The following CEP128 variants were observed in gnomAD, a reference collection of about 807,000 sequenced individuals.
CEP128 encodes centrosomal protein 128kDa.
In CEP128, 132 loss-of-function variants were observed where a neutral mutation model predicts 156.7. That is an observed-to-expected ratio of 0.84 (90% CI 0.73 to 0.97). The LOEUF (loss-of-function observed/expected upper bound fraction) is 0.97, where lower values mean the gene tolerates loss of function less well. Among genes scored for constraint, CEP128 ranks in the 50% least tolerant of loss-of-function variants. The pLI is 0.00. For synonymous variants in CEP128, 469 were observed against 448.9 expected (o/e 1.04, Z -0.57); for missense variants, 1,252 against 1,281.9 (o/e 0.98, Z 0.36).
chr14:80,573,220 C>A (rs958841250), intron 20 of CEP128, among the ~76,000 whole-genome samples: 1 of 152,094 alleles, frequency 6.6e-6, no homozygotes, highest in African/African-American at 2.4e-5. Context: ...CCACCTCGCC[C>A]AGCCTTTTTT....
intron 16 of CEP128, among the ~76,000 whole-genome samples, chr14:80,768,749 A>T (rs1900366758): frequency 6.6e-6 from 1 of 152,218 alleles, no homozygotes; most frequent in African/African-American, 2.4e-5. Context: ...TGTTTCCATA[A>T]ACCAGAATCA....
intron 8 of CEP128, among the ~76,000 whole-genome samples, chr14:80,867,435 G>A (rs1887820506): frequency 1.3e-5 from 2 of 152,212 alleles, no homozygotes; most frequent in African/African-American, 4.8e-5. Context: ...TGAAACCATA[G>A]AGAGCAAAAC....
intron 2 of CEP128, among the ~76,000 whole-genome samples, chr14:80,949,253 A>C (rs542777619): frequency 2.0e-5 from 3 of 152,324 alleles, no homozygotes; most frequent in Non-Finnish European, 4.4e-5. Context: ...GTCATGGTGC[A>C]AGGAGAGCGA....
intron 9 of CEP128, among the ~76,000 whole-genome samples, chr14:80,841,520 CAAT>C (rs1279443580): frequency 6.6e-6 from 1 of 151,952 alleles, no homozygotes; most frequent in Non-Finnish European, 1.5e-5. Flanking sequence ...TTGAGAATAA[CAAT>C]ATTATCATGC....
intron 2 of CEP128, among the ~76,000 whole-genome samples, chr14:80,957,627 AC>A (rs1886770931): frequency 6.6e-6 from 1 of 152,226 alleles, no homozygotes; most frequent in Admixed American, 6.5e-5. Flanking sequence ...TGTGGCTCTG[AC>A]AGTGAAAAGG....
At chr14:80,517,075 G>A (rs1209081760) in intron 23 of CEP128, among the ~76,000 whole-genome samples, 2 of 151,964 alleles carry the variant, frequency 1.3e-5, no homozygotes, top group African/African-American at 2.4e-5. Context: ...ATATCATTAG[G>A]AGCTGTAGTA....
At position 80,745,946 on chromosome 14, in the gene CEP128, T is replaced by C. The variant is rs1899079428; in HGVS notation, c.2614-2679A>G. 4.6e-5 allele frequency among the ~76,000 whole-genome samples: 7 copies of C among 152,036 alleles called. No homozygotes were observed. The South Asian group carries it at 1.4e-3, about 31-fold the overall frequency. On this transcript the variant is annotated intron_variant, in intron 18 of 24. Transcript: ENST00000555265. ...AATACAAAAATTAATTATATTTCTA[T>C]ATATTAATATTTGCAATGAGCAATC...
chr14:80,864,703 C>T (rs1887683244), intron 8 of CEP128, among the ~76,000 whole-genome samples: 1 of 151,920 alleles, frequency 6.6e-6, no homozygotes, highest in African/African-American at 2.4e-5. Flanking sequence ...ATTACAGGCA[C>T]CTGCCACCAC....
intron 19 of CEP128, among the ~76,000 whole-genome samples, chr14:80,687,813 C>T (rs933169979): frequency 9.9e-5 from 15 of 152,034 alleles, no homozygotes; most frequent in African/African-American, 3.6e-4. Context: ...CACTCATGCA[C>T]GAAAATAAAC....
At chr14:80,530,693 T>A (rs192199704) in intron 22 of CEP128, 116 bp downstream of exon 22, 1 of 580,286 alleles carries the variant, frequency 1.7e-6, no homozygotes, top group East Asian at 3.1e-5. Context: ...ATGTTAAAAG[T>A]TCCCAATGTT....
intron 20 of CEP128, among the ~76,000 whole-genome samples, chr14:80,566,668 T>C (rs1413321575): frequency 6.6e-6 from 1 of 152,262 alleles, no homozygotes; most frequent in African/African-American, 2.4e-5. Flanking sequence ...AGTTTGTCTA[T>C]ACATCAAATA....
At chr14:80,561,287 G>A (rs1890661635) in intron 20 of CEP128, among the ~76,000 whole-genome samples, 1 of 152,152 alleles carries the variant, frequency 6.6e-6, no homozygotes, top group Admixed American at 6.5e-5. Flanking sequence ...AGTTAAGAGG[G>A]CCTCACCCTT....
chr14:80,652,860 A>C lies in CEP128; in HGVS notation c.2807-72437T>G, dbSNP rs1451384688. Among the ~76,000 whole-genome samples the C allele has an allele frequency of 5.9e-5, 9 of 152,340 alleles. No individual in the cohort carries two copies. In the East Asian group the frequency reaches 1.7e-3, roughly 29 times the overall value. Reference sequence around the variant, plus strand: ...CTGGGTATAAACCCAAAGGATTATAAATCATTCTACTATAAAGACACACGC... The same window carrying C: ...CTGGGTATAAACCCAAAGGATTATACATCATTCTACTATAAAGACACACGC... On this transcript the variant is annotated intron_variant, in intron 19 of 24. Coordinates refer to ENST00000555265, the MANE Select transcript of CEP128 (RefSeq NM_152446.5).
Position 80,895,763 on chromosome 14 carries a change from C to G in CEP128, c.600G>C (p.Leu200Phe). 6.4e-7 allele frequency: 1 copy of G among 1,556,570 alleles called. No individual in the cohort carries two copies. The highest frequency in any genetic ancestry group is 1.2e-5 in the South Asian group (1 of 82,760). ...SRSDAETKRA[L>F]EELTEKLNEA... ...CATTAAGTTTTTCAGTCAATTCTTC[C>G]AAAGCCCTTTTTGTTTCGGCATCTG... The change falls in exon 8 of 25, where the codon TTG becomes TTC. Residue 200 changes from leucine (L) to phenylalanine (F), a missense_variant. Physicochemically the swap from Leu to Phe is conservative, Grantham distance 22. Coordinates refer to ENST00000555265, the MANE Select transcript of CEP128 (RefSeq NM_152446.5).
At position 80,733,489 on chromosome 14, in the gene CEP128, T is replaced by C. The variant is rs773324316; in HGVS notation, c.2806+9586A>G. 3.3e-5 allele frequency among the ~76,000 whole-genome samples: 5 copies of C among 152,096 alleles called. No individual in the cohort carries two copies. In the South Asian group the frequency reaches 8.3e-4, roughly 25 times the overall value. The stretch of plus-strand genomic sequence containing the variant: ...AAACAGAAAGAGAGGAATGAATATA[T>C]GACAAACAGCTAAGAAAAACTTTGT... On this transcript the variant is annotated intron_variant, in intron 19 of 24. Transcript: ENST00000555265.
At position 80,736,322 on chromosome 14, in the gene CEP128, G is replaced by A. The variant is rs992905802; in HGVS notation, c.2806+6753C>T. 6.0e-5 allele frequency among the ~76,000 whole-genome samples: 9 copies of A among 151,090 alleles called. No homozygotes were observed. In the South Asian group the frequency reaches 6.3e-4, roughly 11 times the overall value. ...ATGAAAGCTACTTAGTAACCTAAAA[G>A]CTCAAATCGAATCTATTTTAGCACA... is the stretch of plus-strand genomic sequence containing the variant. On this transcript the variant is annotated intron_variant, in intron 19 of 24. Coordinates refer to ENST00000555265, the MANE Select transcript of CEP128 (RefSeq NM_152446.5).
chr14:80,588,661 T>C (rs1345279271), intron 19 of CEP128, among the ~76,000 whole-genome samples: 1 of 152,048 alleles, frequency 6.6e-6, no homozygotes, highest in African/African-American at 2.4e-5. Flanking sequence ...TGTTGCCCCA[T>C]CCCCTCCCCA....
At chr14:80,629,946 T>G (rs1199588388) in intron 19 of CEP128, among the ~76,000 whole-genome samples, 1 of 152,010 alleles carries the variant, frequency 6.6e-6, no homozygotes, top group Non-Finnish European at 1.5e-5. Flanking sequence ...TGCTATCCAC[T>G]GATCCAATAA....
chr14:80,573,205 AT>A (rs978598406), intron 20 of CEP128, among the ~76,000 whole-genome samples: 25 of 152,056 alleles, frequency 1.6e-4, no homozygotes, highest in African/African-American at 6.0e-4. Flanking sequence ...GATAATAGGC[AT>A]GAGCCACCTC....
Sources: gnomAD v4.1 joint callset for allele counts (sites outside exome capture counted in the v4.1 genomes callset) on GRCh38, gnomAD v4.1.1 for gene constraint, MANE v1.5 for transcripts, NCBI Gene and HGNC (gene_info 2026-07-23, HGNC 2026-07-21) for gene names.